RPS6KC1: variants seen among roughly 807,000 people sequenced by gnomAD.
RPS6KC1 encodes ribosomal protein S6 kinase C1.
RPS6KC1 carries 54 observed loss-of-function variants against 103.8 expected under a neutral mutation model. The observed-to-expected ratio is 0.52, with a 90% CI of 0.42 to 0.65. The LOEUF (loss-of-function observed/expected upper bound fraction) is 0.65, where lower values mean the gene tolerates loss of function less well. RPS6KC1 is among the 30% of genes least tolerant of loss of function. RPS6KC1 has a pLI of 0.00. For missense variants in RPS6KC1, 1,151 were observed against 1,253.8 expected, an observed-to-expected ratio of 0.92 and a Z score of 1.24; for synonymous variants, 439 against 438.7, an observed-to-expected ratio of 1.00 and a Z score of -0.01.
At chr1:213,303,821 A>T in the RPS6KC1 span, among the ~76,000 whole-genome samples, 2 of 152,162 alleles carry the variant, frequency 1.3e-5, no homozygotes, top group Admixed American at 6.5e-5. Context: ...TTAATAATAT[A>T]TCAACTGAGA....
At chr1:213,166,482 A>G (rs930813839) in intron 6 of RPS6KC1, among the ~76,000 whole-genome samples, 5 of 152,248 alleles carry the variant, frequency 3.3e-5, no homozygotes, top group African/African-American at 1.2e-4. Context: ...AAAGCCCTCT[A>G]AAACCTTGCC....
At chr1:213,758,577 T>C in the RPS6KC1 span, among the ~76,000 whole-genome samples, 1 of 134,350 alleles carries the variant, frequency 7.4e-6, no homozygotes, top group Non-Finnish European at 1.6e-5. Flanking sequence ...AGACTCTGTC[T>C]CAAAAAAAAA....
At chr1:213,691,151 C>G in the RPS6KC1 span, among the ~76,000 whole-genome samples, 2 of 152,154 alleles carry the variant, frequency 1.3e-5, no homozygotes, top group Non-Finnish European at 2.9e-5. Flanking sequence ...CCGTGGAAGC[C>G]TCCCTGGCTC....
At chr1:213,850,540 T>G in the RPS6KC1 span, among the ~76,000 whole-genome samples, 12 of 152,226 alleles carry the variant, frequency 7.9e-5, no homozygotes, top group Admixed American at 7.2e-4. Flanking sequence ...GACATTGCTC[T>G]TTCCGATGAG....
chr1:213,145,578 G>A (rs2087657556), intron 6 of RPS6KC1, among the ~76,000 whole-genome samples: 1 of 152,054 alleles, frequency 6.6e-6, no homozygotes, highest in Non-Finnish European at 1.5e-5. Flanking sequence ...ACACAGAGCT[G>A]GGAATAGTGT....
chr1:213,405,686 G>A, the RPS6KC1 span, among the ~76,000 whole-genome samples: 3 of 152,204 alleles, frequency 2.0e-5, no homozygotes, highest in Admixed American at 6.5e-5. Flanking sequence ...TGGTTCTCTC[G>A]GATGAATGTT....
chr1:213,612,288 A>G, the RPS6KC1 span, among the ~76,000 whole-genome samples: 4 of 152,368 alleles, frequency 2.6e-5, no homozygotes, highest in South Asian at 2.1e-4. Flanking sequence ...GCAGGGTTCA[A>G]TTAGAACTCC....
intron 14 of RPS6KC1, among the ~76,000 whole-genome samples, chr1:213,268,827 A>C (rs2094973003): frequency 6.6e-6 from 1 of 151,858 alleles, no homozygotes; most frequent in Non-Finnish European, 1.5e-5. Context: ...TATTGTAGGG[A>C]TACAGCAACC....
At chr1:213,638,220 C>G in the RPS6KC1 span, among the ~76,000 whole-genome samples, 1 of 151,860 alleles carries the variant, frequency 6.6e-6, no homozygotes, top group Admixed American at 6.6e-5. Flanking sequence ...AAATTTTTGC[C>G]GAATTTTTAG....
the RPS6KC1 span, among the ~76,000 whole-genome samples, chr1:213,385,285 A>G: frequency 6.6e-6 from 1 of 152,210 alleles, no homozygotes; most frequent in Admixed American, 6.5e-5. Flanking sequence ...TTGTGGGTTC[A>G]TACTCACAAC....
the RPS6KC1 span, among the ~76,000 whole-genome samples, chr1:213,556,777 G>A: frequency 6.6e-6 from 1 of 152,166 alleles, no homozygotes; most frequent in South Asian, 2.1e-4. Context: ...AATGTGCTGA[G>A]GGAAAGCCCC....
the RPS6KC1 span, among the ~76,000 whole-genome samples, chr1:213,792,641 C>A: frequency 2.0e-5 from 3 of 152,000 alleles, no homozygotes; most frequent in African/African-American, 4.8e-5. Flanking sequence ...ATTACATGGG[C>A]GAGTGGCATA....
chr1:213,425,307 C>T, the RPS6KC1 span, among the ~76,000 whole-genome samples: 2 of 152,106 alleles, frequency 1.3e-5, no homozygotes, highest in Non-Finnish European at 1.5e-5. Flanking sequence ...GTTGACACAT[C>T]GGACACCAAA....
the RPS6KC1 span, among the ~76,000 whole-genome samples, chr1:213,752,224 G>A: frequency 3.3e-5 from 5 of 152,136 alleles, no homozygotes; most frequent in Admixed American, 2.0e-4. Flanking sequence ...CTAAACTACA[G>A]TGAATCTAAG....
In RPS6KC1 at chr1:213,098,029, T is replaced by C. The variant is rs2081627015; in HGVS notation, c.263-6425T>C. Among the ~76,000 whole-genome samples, 5 of 152,178 alleles carry C rather than the reference T, an allele frequency of 3.3e-5. No homozygotes were observed. The South Asian group carries it at 8.3e-4, about 25-fold the overall frequency. On this transcript the variant is annotated intron_variant, in intron 3 of 14. Transcript: ENST00000366960. ...CTTATCATTCATGTGTTCACTGGAG[T>C]AACACTTTTAATTTCTTTCAGTAAC... is the stretch of plus-strand genomic sequence containing the variant.
the RPS6KC1 span, among the ~76,000 whole-genome samples, chr1:213,440,593 TAAA>T: frequency 2.1e-4 from 21 of 100,390 alleles, no homozygotes; most frequent in Admixed American, 1.6e-3. Context: ...TTAATGGAAC[TAAA>T]AAAAAAAAAA....
At chr1:213,506,250 A>AAGGAGAT in the RPS6KC1 span, among the ~76,000 whole-genome samples, 14 of 152,208 alleles carry the variant, frequency 9.2e-5, no homozygotes, top group Non-Finnish European at 1.6e-4. Context: ...TAACGAGATG[A>AAGGAGAT]AGGAGATGGA....
chr1:213,057,752 CTTTTT>C (rs869259657), intron 1 of RPS6KC1, among the ~76,000 whole-genome samples: 17 of 73,700 alleles, frequency 2.3e-4, no homozygotes, highest in Admixed American at 6.2e-4. Context: ...TCTGAAGTAT[CTTTTT>C]TTTTTTTTTT....
At chr1:213,649,217 G>T in the RPS6KC1 span, among the ~76,000 whole-genome samples, 130 of 147,418 alleles carry the variant, frequency 8.8e-4, no homozygotes, top group African/African-American at 3.2e-3. Flanking sequence ...TTTTTTACTG[G>T]TTTCTCCTAT....
Sources: allele counts gnomAD v4.1 joint callset (sites outside exome capture counted in the v4.1 genomes callset), GRCh38; gene constraint gnomAD v4.1.1; transcripts MANE v1.5; gene names NCBI Gene and HGNC (gene_info 2026-07-23, HGNC 2026-07-21).